Variants in ZNF846 observed in about 807,000 individuals in gnomAD.
The protein encoded by ZNF846 is zinc finger protein 420 pseudogene.
ZNF846 carries 15 observed loss-of-function variants against 16.0 expected under a neutral mutation model. The observed-to-expected ratio is 0.94, with a 90% CI of 0.63 to 1.45. The LOEUF (loss-of-function observed/expected upper bound fraction) is 1.45, where lower values mean the gene tolerates loss of function less well. Among genes scored for constraint, ZNF846 ranks in the 40% most tolerant of loss-of-function variants. The pLI, the probability that ZNF846 is intolerant of heterozygous loss-of-function variation, is 0.00. For synonymous variants in ZNF846, 229 were observed against 212.0 expected (o/e 1.08, Z -0.70); for missense variants, 714 against 622.3 (o/e 1.15, Z -1.57).
intron 1 of ZNF846, among the ~76,000 whole-genome samples, chr19:9,776,338 TCC>T (rs1491133319): frequency 6.6e-5 from 8 of 121,524 alleles, no homozygotes; most frequent in African/African-American, 3.1e-4. Flanking sequence ...ACACTCCTAG[TCC>T]GCCTTCATGT....
chr19:9,776,232 T>A (rs2045440360), intron 1 of ZNF846, among the ~76,000 whole-genome samples: 1 of 152,186 alleles, frequency 6.6e-6, no homozygotes, highest in African/African-American at 2.4e-5. Flanking sequence ...AAGACTCTGC[T>A]CCTCCACCTC....
chr19:9,783,540 AAAAAATATATATAT>A (rs1364954436), intron 1 of ZNF846, among the ~76,000 whole-genome samples: 1 of 120,568 alleles, frequency 8.3e-6, no homozygotes, highest in African/African-American at 3.9e-5. Flanking sequence ...AAAAAAAAAA[AAAAAATATATATAT>A]ATATATATAT....
chr19:9,779,063 CATA>C (rs1411794835), intron 1 of ZNF846, among the ~76,000 whole-genome samples: 1 of 152,070 alleles, frequency 6.6e-6, no homozygotes, highest in Non-Finnish European at 1.5e-5. Context: ...ACTCTCTGTG[CATA>C]ATATTTTTCA....
chr19:9,753,114 C>T (rs551005829), downstream of ZNF846, among the ~76,000 whole-genome samples: 1 of 151,622 alleles, frequency 6.6e-6, no homozygotes, highest in African/African-American at 2.4e-5. Flanking sequence ...GGGGGTAATC[C>T]CATTCTGCAG....
chr19:9,770,966 T>A (rs537316681), upstream of ZNF846, among the ~76,000 whole-genome samples: 107 of 152,260 alleles, frequency 7.0e-4, no homozygotes, highest in Non-Finnish European at 1.1e-3. Context: ...TATTTATTTA[T>A]TTATTTTTTA....
chr19:9,778,025 A>C (rs2045464758), intron 1 of ZNF846, among the ~76,000 whole-genome samples: 1 of 152,158 alleles, frequency 6.6e-6, no homozygotes, highest in Non-Finnish European at 1.5e-5. Flanking sequence ...TTTTTAACAA[A>C]AATCTCAAGG....
rs765545468 is a variant in ZNF846 at position 9,758,193 on chromosome 19, G to T, written c.884C>A (p.Ser295Ter). The T allele has an allele frequency of 1.9e-6, 3 of 1,613,130 alleles. No homozygotes were observed. Among genetic ancestry groups the T allele is most frequent in the Non-Finnish European group, 2.5e-6 (3 of 1,179,994 alleles). The change falls in exon 6 of 6, where the codon TCA becomes TAA. Residue 295 changes from serine to a stop codon, truncating the protein, a stop_gained. Coordinates refer to ENST00000397902, the Ensembl canonical transcript of ZNF846. LOFTEE classifies it low-confidence loss of function (END_TRUNC). ...GATTCTTGTATGATCAGTAAGGTAT[G>T]AAGAATGGGTGAAGGCTTTCCCACA...
exon 6 of ZNF846, chr19:9,758,706 T>C (rs183393970): frequency 1.7e-5 from 27 of 1,607,838 alleles, no homozygotes; most frequent in East Asian, 4.5e-5. Flanking sequence ...TGGGTGTTCA[T>C]TGAAGACTTT....
intron 2 of ZNF846, among the ~76,000 whole-genome samples, chr19:9,763,745 CT>C (rs1278797489): frequency 3.9e-5 from 6 of 152,144 alleles, no homozygotes; most frequent in African/African-American, 1.4e-4. Flanking sequence ...ACACAAATTC[CT>C]TCAGATTAGA....
exon 6 of ZNF846, chr19:9,757,816 G>T: frequency 6.2e-7 from 1 of 1,613,476 alleles, no homozygotes; most frequent in Non-Finnish European, 8.5e-7. Context: ...CATTCATATG[G>T]CTTCTCTCCA....
downstream of ZNF846, among the ~76,000 whole-genome samples, chr19:9,751,213 AC>A (rs2045081090): frequency 6.6e-6 from 1 of 151,898 alleles, no homozygotes; most frequent in Admixed American, 6.6e-5. Context: ...CTTTTAACAA[AC>A]CCACAATATC....
chr19:9,769,849 TG>T (rs778323191), upstream of ZNF846, among the ~76,000 whole-genome samples: 72 of 151,804 alleles, frequency 4.7e-4, no homozygotes, highest in Middle Eastern at 3.4e-3. Flanking sequence ...GGTGTGGTGG[TG>T]GGCGCCTGTA....
At chr19:9,756,339 GTGTGTGTATA>G (rs1568319860), downstream of ZNF846, 2 of 63,382 alleles carry the variant, frequency 3.2e-5, no homozygotes, top group East Asian at 6.6e-4. Context: ...GTGTGTGTGT[GTGTGTGTATA>G]TATATATATA....
At chr19:9,767,930 T>A (rs1345877920) in intron 1 of ZNF846, among the ~76,000 whole-genome samples, 1 of 152,130 alleles carries the variant, frequency 6.6e-6, no homozygotes, top group African/African-American at 2.4e-5. Flanking sequence ...CGAAACTCCG[T>A]CTCAAAATAT....
At chr19:9,782,542 C>T (rs2045512481) in intron 1 of ZNF846, among the ~76,000 whole-genome samples, 1 of 152,166 alleles carries the variant, frequency 6.6e-6, no homozygotes, top group Non-Finnish European at 1.5e-5. Context: ...GGATTGCAGG[C>T]ATGAGTCACC....
At chr19:9,761,048 A>T (rs2145214576) in intron 4 of ZNF846, among the ~76,000 whole-genome samples, 1 of 150,572 alleles carries the variant, frequency 6.6e-6, no homozygotes, top group Admixed American at 6.6e-5. Flanking sequence ...AAAACACAAA[A>T]ATTCACCAGG....
At chr19:9,749,723 C>T (rs1486308325), downstream of ZNF846, among the ~76,000 whole-genome samples, 3 of 152,192 alleles carry the variant, frequency 2.0e-5, no homozygotes, top group East Asian at 5.8e-4. Flanking sequence ...TCCCTTTCTT[C>T]CTGCTCTTAT....
chr19:9,770,132 T>C (rs1034296748), upstream of ZNF846, among the ~76,000 whole-genome samples: 2 of 152,192 alleles, frequency 1.3e-5, no homozygotes, highest in Non-Finnish European at 2.9e-5. Context: ...TCGTGGCTTT[T>C]TGTATATTCA....
At chr19:9,758,603 A>G in exon 6 of ZNF846, 1 of 1,612,850 alleles carries the variant, frequency 6.2e-7, no homozygotes, top group Non-Finnish European at 8.5e-7. Flanking sequence ...TCTTGTAAAA[A>G]CTATGAGGAA....
Sources: allele counts gnomAD v4.1 joint callset (sites outside exome capture counted in the v4.1 genomes callset), GRCh38; gene constraint gnomAD v4.1.1; transcripts MANE v1.5; gene names NCBI Gene and HGNC (gene_info 2026-07-23, HGNC 2026-07-21).